The following SEMA4B variants were observed in gnomAD, a reference collection of about 807,000 sequenced individuals.
The protein encoded by SEMA4B is semaphorin 4B.
Under a neutral mutation model 88.1 loss-of-function variants are expected in SEMA4B, and 55 were observed. The ratio of observed to expected loss-of-function variants is 0.62; its 90% confidence interval spans 0.50 to 0.78. The LOEUF is 0.78. Among genes scored for constraint, SEMA4B ranks in the 30% least tolerant of loss-of-function variants. SEMA4B has a pLI of 0.00. For missense variants in SEMA4B, 1,062 were observed against 1,111.9 expected (o/e 0.96, Z 0.64); for synonymous variants, 525 against 473.6 (o/e 1.11, Z -1.41).
At chr15:90,189,615 T>C (rs1217444138) in intron 1 of SEMA4B, among the ~76,000 whole-genome samples, 1 of 151,936 alleles carries the variant, frequency 6.6e-6, no homozygotes, top group Non-Finnish European at 1.5e-5. Context: ...CATGTCAAGG[T>C]TATATAACTA....
chr15:90,206,528 T>C, intron 1 of SEMA4B: 1 of 406,852 alleles, frequency 2.5e-6, no homozygotes. Context: ...AGGCTCAGGC[T>C]CAGTTGCGTT....
intron 1 of SEMA4B, among the ~76,000 whole-genome samples, chr15:90,204,956 G>A (rs893229271): frequency 6.6e-6 from 1 of 152,094 alleles, no homozygotes; most frequent in African/African-American, 2.4e-5. Flanking sequence ...TTGTATTTTT[G>A]TAGAGATGGG....
intron 1 of SEMA4B, among the ~76,000 whole-genome samples, chr15:90,185,876 G>C (rs1260972261): frequency 6.7e-6 from 1 of 150,256 alleles, no homozygotes; most frequent in African/African-American, 2.4e-5. Flanking sequence ...CAGTGAGTTA[G>C]TGGGAAGGTC....
At chr15:90,213,153 T>C (rs780304427) in intron 1 of SEMA4B, among the ~76,000 whole-genome samples, 14 of 152,246 alleles carry the variant, frequency 9.2e-5, no homozygotes, top group Non-Finnish European at 1.9e-4. Context: ...TTTTTTCTAA[T>C]AACAACCCCA....
intron 1 of SEMA4B, among the ~76,000 whole-genome samples, chr15:90,185,695 A>G (rs1960143971): frequency 6.6e-6 from 1 of 152,202 alleles, no homozygotes; most frequent in Non-Finnish European, 1.5e-5. Context: ...GGATTCCTCT[A>G]AAGGTTGAAA....
Position 90,212,253 on chromosome 15 carries a change from G to T in SEMA4B, c.158-5186G>T, listed in dbSNP as rs187920495. Among the ~76,000 whole-genome samples the T allele has an allele frequency of 3.9e-4, 59 of 152,268 alleles. No homozygotes were observed. The highest frequency in any genetic ancestry group is 1.2e-3 in the African/African-American group (50 of 41,554). ...TCTCCCTCCAGGGAGGGACAGGGCA[G>T]CCCCAGACCAGCCCCGGTCTGCCTT... On this transcript the variant is annotated intron_variant, in intron 1 of 13. Transcript: ENST00000411539. This position sits in a 1 kb window ranked among gnomAD's most constrained non-coding sequence, Gnocchi z 4.0.
At chr15:90,217,315 C>G in intron 1 of SEMA4B, 124 bp from the exon 2 acceptor site, 2 of 945,072 alleles carry the variant, frequency 2.1e-6, no homozygotes, top group Non-Finnish European at 3.1e-6. Context: ...CCCCCAGCCC[C>G]TTGCCATTGC....
chr15:90,225,671 A>G lies in SEMA4B; in HGVS notation c.1532A>G (p.Tyr511Cys). Residue 511 changes from tyrosine (Y) to cysteine (C), a missense_variant, in exon 12 of 14, where the codon TAT (tyrosine) becomes TGT (cysteine). Physicochemically the swap from Tyr to Cys is radical, Grantham distance 194. Transcript: ENST00000411539. The part of the protein sequence containing the change: ...LLLDTHRGLL[Y>C]AASHSGVVQV... ...TGTCTGGCTGTGCAGGGGCTGCTGT[A>G]TGCGGCCTCACACTCGGGCGTAGTC... is the stretch of plus-strand genomic sequence containing the variant. 6.4e-7 allele frequency: 1 copy of G among 1,564,914 alleles called. No homozygotes were observed. The highest frequency in any genetic ancestry group is 8.7e-7 in the Non-Finnish European group (1 of 1,155,892).
chr15:90,201,208 C>T (rs1055244410), upstream of SEMA4B: 4 of 607,008 alleles, frequency 6.6e-6, no homozygotes, highest in African/African-American at 4.0e-5. Context: ...CGGGCTTGGC[C>T]CCTGCGGCAG....
chr15:90,188,555 G>A lies in SEMA4B; in HGVS notation c.-122+3474G>A, dbSNP rs192832911. On this transcript the variant is annotated intron_variant, in intron 1 of 14. Coordinates refer to the SEMA4B transcript ENST00000332496. The stretch of plus-strand genomic sequence containing the variant: ...AAGCAGGAGAGTTGCTGGAACCTGG[G>A]AGGCGGAGGCTGCAGTGAGCCGAGA... Among the ~76,000 whole-genome samples the A allele has an allele frequency of 1.7e-3, 257 of 152,068 alleles. 4 individuals carry two copies. The highest frequency in any genetic ancestry group is 6.0e-3 in the African/African-American group (248 of 41,486).
At chr15:90,215,873 A>C (rs1282355151) in intron 1 of SEMA4B, among the ~76,000 whole-genome samples, 1 of 152,186 alleles carries the variant, frequency 6.6e-6, no homozygotes, top group Non-Finnish European at 1.5e-5. Flanking sequence ...TTAAGTATAG[A>C]AGGGCTTATT....
Position 90,219,837 on chromosome 15 carries a change from C to T in SEMA4B, c.429C>T (p.Gly143=). 4 of 1,613,638 alleles carry T rather than the reference C, an allele frequency of 2.5e-6. No individual in the cohort carries two copies. The highest frequency in any genetic ancestry group is 3.4e-6 in the Non-Finnish European group (4 of 1,179,846). The part of the protein sequence containing the change: ...NYIKILLPLS[G]SHLFTCGTAA... The stretch of plus-strand genomic sequence containing the variant: ...TCAAGATCCTCCTGCCGCTCAGCGG[C>T]AGTCACCTGTTCACCTGTGGCACAG... Residue 143 remains glycine (G), a synonymous_variant, in exon 4 of 14, where the codon GGC becomes GGT. Transcript: ENST00000411539.
At chr15:90,205,699 T>G (rs1960954436) in intron 1 of SEMA4B, among the ~76,000 whole-genome samples, 1 of 152,218 alleles carries the variant, frequency 6.6e-6, no homozygotes, top group Non-Finnish European at 1.5e-5. Context: ...CCAGCCTTGC[T>G]TGGTGAGGTT....
upstream of SEMA4B, among the ~76,000 whole-genome samples, chr15:90,197,701 T>C (rs1205521888): frequency 2.6e-5 from 4 of 151,620 alleles, no homozygotes; most frequent in Non-Finnish European, 5.9e-5. Flanking sequence ...CCTCCCAAAG[T>C]GCTGGGATTA....
Position 90,228,494 on chromosome 15 carries a change from T to C in SEMA4B, c.2365T>C (p.Ser789Pro). The C allele has an allele frequency of 6.2e-7, 1 of 1,611,044 alleles. No individual in the cohort carries two copies. Among genetic ancestry groups the C allele is most frequent in the Non-Finnish European group, 8.5e-7 (1 of 1,179,154 alleles). ...CCCGCTCGATCACCGAGGGTACCAG[T>C]CCCTGTCAGACAGCCCCCCGGGGTC... ...STPLDHRGYQ[S>P]LSDSPPGSRV... is the part of the protein sequence containing the mutation. Residue 789 changes from serine (S) to proline (P), a missense_variant, in exon 14 of 14, where the codon TCC becomes CCC. Transcript: ENST00000411539.
At chr15:90,217,633 T>C in intron 2 of SEMA4B, 31 bp downstream of exon 2, 1 of 1,611,516 alleles carries the variant, frequency 6.2e-7, no homozygotes, top group South Asian at 1.1e-5. Context: ...CTGGCTAGGC[T>C]GGGCAGAGGA....
chr15:90,206,632 G>A (rs1266915813), intron 1 of SEMA4B: 4 of 643,510 alleles, frequency 6.2e-6, no homozygotes, highest in African/African-American at 3.6e-5. Context: ...TACAAGAGCT[G>A]TTGAAGACAG....
intron 3 of SEMA4B, 87 bp downstream of exon 3, chr15:90,217,916 C>G: frequency 8.9e-7 from 1 of 1,117,606 alleles, no homozygotes; most frequent in Non-Finnish European, 1.3e-6. Flanking sequence ...GAGGTGGGAG[C>G]AGATACAGCC....
At position 90,223,743 on chromosome 15, in the gene SEMA4B, A is replaced by G. The variant is rs1961991004; in HGVS notation, c.1043+3A>G. On this transcript the variant is annotated splice_donor_region_variant and intron_variant, in intron 8 of 13. Transcript: ENST00000411539. ...TATGGGGTCTTCACTTCCCAGTGGT[A>G]GGGCCTCCAGACCTCGCTGGAGATG... 1 of 1,604,358 alleles carries G rather than the reference A, an allele frequency of 6.2e-7. No homozygotes were observed. The highest frequency in any genetic ancestry group is 8.5e-7 in the Non-Finnish European group (1 of 1,172,638).
Sources: allele counts gnomAD v4.1 joint callset (sites outside exome capture counted in the v4.1 genomes callset), GRCh38; gene constraint gnomAD v4.1.1; non-coding constraint Gnocchi (gnomAD v3.1); transcripts MANE v1.5; gene names NCBI Gene and HGNC (gene_info 2026-07-23, HGNC 2026-07-21).